CORO2B: variants seen among roughly 807,000 people sequenced by gnomAD.
The protein encoded by CORO2B is coronin 2B.
Under a neutral mutation model 58.8 loss-of-function variants are expected in CORO2B, and 26 were observed. That is an observed-to-expected ratio of 0.44 (90% CI 0.32 to 0.61). CORO2B has a LOEUF of 0.61. Ranked by LOEUF, CORO2B falls within the 20% of genes least tolerant of loss-of-function variation. The pLI is 0.04. For missense variants in CORO2B, 460 were observed against 645.1 expected (o/e 0.71, Z 3.11); for synonymous variants, 242 against 253.8 (o/e 0.95, Z 0.44).
intron 1 of CORO2B, among the ~76,000 whole-genome samples, chr15:68,594,046 G>A (rs1297186320): frequency 2.6e-5 from 4 of 152,172 alleles, no homozygotes; most frequent in South Asian, 2.1e-4. Context: ...TCAGAATCCC[G>A]TCAGCAATGG....
chr15:68,553,926 G>A, the CORO2B span, among the ~76,000 whole-genome samples: 1 of 152,260 alleles, frequency 6.6e-6, no homozygotes, highest in Non-Finnish European at 1.5e-5. Flanking sequence ...ATGAGCAGGG[G>A]TGGCTGAACC....
At chr15:68,558,832 G>T in the CORO2B span, among the ~76,000 whole-genome samples, 1 of 152,156 alleles carries the variant, frequency 6.6e-6, no homozygotes, top group East Asian at 1.9e-4. Flanking sequence ...GCCTTGACTG[G>T]CTGGGTAACA....
the CORO2B span, among the ~76,000 whole-genome samples, chr15:68,568,110 C>A: frequency 6.6e-6 from 1 of 152,174 alleles, no homozygotes; most frequent in Admixed American, 6.5e-5. Context: ...GGGCCACCCC[C>A]TGGGGTTCCT....
intron 2 of CORO2B, among the ~76,000 whole-genome samples, chr15:68,675,419 G>C (rs1902547888): frequency 6.6e-6 from 1 of 152,100 alleles, no homozygotes; most frequent in Non-Finnish European, 1.5e-5. Context: ...AGCCTCTGAG[G>C]GCAGGAATAG....
the CORO2B span, among the ~76,000 whole-genome samples, chr15:68,532,642 A>T: frequency 2.0e-5 from 3 of 152,198 alleles, no homozygotes; most frequent in Non-Finnish European, 4.4e-5. Context: ...TGATTTTTCT[A>T]CTAGTTTTGA....
At chr15:68,586,591 T>C (rs1899564746) in intron 1 of CORO2B, among the ~76,000 whole-genome samples, 1 of 152,208 alleles carries the variant, frequency 6.6e-6, no homozygotes, top group South Asian at 2.1e-4. Flanking sequence ...GTTACTGTTA[T>C]CATCCCTGCT....
chr15:68,712,159 T>C (rs1892935041), intron 5 of CORO2B, among the ~76,000 whole-genome samples: 1 of 152,178 alleles, frequency 6.6e-6, no homozygotes, highest in Non-Finnish European at 1.5e-5. Context: ...CTCCTGGGTC[T>C]TGGGTTTGAG....
At position 68,718,781 on chromosome 15, in the gene CORO2B, G is replaced by A. The variant is rs948717225; in HGVS notation, c.1051G>A (p.Glu351Lys). 6.2e-7 allele frequency: 1 copy of A among 1,614,142 alleles called. No homozygotes were observed. Among genetic ancestry groups the A allele is most frequent in the Non-Finnish European group, 8.5e-7 (1 of 1,179,992 alleles). ...YKLVTLKGLI[E>K]PISMIVPRRS... ...GCTGGTGACTCTCAAGGGCCTGATC[G>A]AGCCCATCTCCATGATCGTGCCCCG... is the stretch of plus-strand genomic sequence containing the variant. Residue 351 changes from glutamate to lysine, a missense_variant, in exon 9 of 12, where the codon GAG becomes AAG. Glu to Lys is a moderately conservative substitution (Grantham distance 56). This residue lies in a region of CORO2B where 352 missense variants were observed against 543.0 expected (regional missense o/e 0.65). Coordinates refer to ENST00000261861, the MANE Select transcript of CORO2B (RefSeq NM_006091.5).
chr15:68,682,440 G>A (rs1902821628), intron 2 of CORO2B, among the ~76,000 whole-genome samples: 1 of 151,072 alleles, frequency 6.6e-6, no homozygotes, highest in Non-Finnish European at 1.5e-5. Context: ...TCTGACTACA[G>A]AGAGGTACAG....
chr15:68,566,330 C>G, the CORO2B span, among the ~76,000 whole-genome samples: 1 of 152,078 alleles, frequency 6.6e-6, no homozygotes, highest in Non-Finnish European at 1.5e-5. Context: ...GTAATTCAAC[C>G]AAATCCACAC....
intron 10 of CORO2B, 33 bp from the exon 11 acceptor site, chr15:68,719,380 C>T (rs372207932): frequency 9.2e-5 from 148 of 1,610,444 alleles, no homozygotes; most frequent in Non-Finnish European, 1.1e-4. Context: ...TCCATGGGAT[C>T]GTCAGTGAGA....
the CORO2B span, among the ~76,000 whole-genome samples, chr15:68,521,835 A>G: frequency 0.021 from 3,132 of 150,552 alleles, 109 homozygotes; most frequent in African/African-American, 0.073. Flanking sequence ...TCGACCTCCC[A>G]GGCTCAAGCA....
At chr15:68,671,569 C>T (rs370871931) in intron 2 of CORO2B, among the ~76,000 whole-genome samples, 74 of 152,320 alleles carry the variant, frequency 4.9e-4, no homozygotes, top group African/African-American at 1.6e-3. Context: ...CATTTGGTTG[C>T]GTTAAAGCTG....
chr15:68,697,102 C>CATGG (rs917237379), intron 3 of CORO2B, among the ~76,000 whole-genome samples: 4 of 151,858 alleles, frequency 2.6e-5, no homozygotes, highest in East Asian at 3.9e-4. Flanking sequence ...TCGATGGATG[C>CATGG]ATGGATGGAT....
At chr15:68,693,521 TC>T (rs1892436023) in intron 2 of CORO2B, among the ~76,000 whole-genome samples, 1 of 152,172 alleles carries the variant, frequency 6.6e-6, no homozygotes, top group Admixed American at 6.5e-5. Flanking sequence ...CCTCCTTTCC[TC>T]CAAACTCCCC....
intron 2 of CORO2B, among the ~76,000 whole-genome samples, chr15:68,663,866 T>A (rs1902096900): frequency 6.6e-6 from 1 of 152,270 alleles, no homozygotes; most frequent in African/African-American, 2.4e-5. Context: ...AATCTCTTTA[T>A]GTGTTAAGAC....
At chr15:68,556,774 G>T in the CORO2B span, among the ~76,000 whole-genome samples, 1 of 152,182 alleles carries the variant, frequency 6.6e-6, no homozygotes, top group Non-Finnish European at 1.5e-5. Flanking sequence ...GACTGTGGCT[G>T]CCGAGGGACT....
chr15:68,587,049 T>TACACACACACACACAC (rs58729813), intron 1 of CORO2B, among the ~76,000 whole-genome samples: 2 of 57,888 alleles, frequency 3.5e-5, no homozygotes, highest in Non-Finnish European at 8.6e-5. Context: ...GAGATATGTA[T>TACACACACACACACAC]ACACACACAC....
intron 3 of CORO2B, among the ~76,000 whole-genome samples, chr15:68,701,291 G>A (rs1433499368): frequency 6.6e-6 from 1 of 150,718 alleles, no homozygotes; most frequent in Non-Finnish European, 1.5e-5. Flanking sequence ...CTGCGATCTA[G>A]GACTAGTTTC....
Sources: allele counts gnomAD v4.1 joint callset (sites outside exome capture counted in the v4.1 genomes callset), GRCh38; gene constraint gnomAD v4.1.1; regional missense constraint gnomAD v4.1.1; transcripts MANE v1.5; gene names NCBI Gene and HGNC (gene_info 2026-07-23, HGNC 2026-07-21).